Variants in NTN1 observed in about 807,000 individuals in gnomAD.
NTN1 encodes the protein netrin 1.
Under a neutral mutation model 54.2 loss-of-function variants are expected in NTN1, and 11 were observed. The observed-to-expected ratio is 0.20, with a 90% CI of 0.13 to 0.34. The LOEUF is 0.34. Ranked by LOEUF, NTN1 falls within the 10% of genes least tolerant of loss-of-function variation. The pLI is 1.00. For missense variants in NTN1, 740 were observed against 893.1 expected (o/e 0.83, Z 2.18); for synonymous variants, 371 against 382.0 (o/e 0.97, Z 0.33).
chr17:9,064,646 A>T (rs1221593263), intron 2 of NTN1, among the ~76,000 whole-genome samples: 1 of 151,814 alleles, frequency 6.6e-6, no homozygotes, highest in Non-Finnish European at 1.5e-5. Flanking sequence ...GTATTTCATG[A>T]CATCATTCAC....
intron 2 of NTN1, among the ~76,000 whole-genome samples, chr17:9,073,521 G>A (rs890255425): frequency 3.9e-5 from 6 of 152,184 alleles, no homozygotes; most frequent in African/African-American, 1.4e-4. Flanking sequence ...GTCTTTCCTT[G>A]TGCTGGGTCT....
chr17:9,125,319 C>T (rs778926052), intron 2 of NTN1, among the ~76,000 whole-genome samples: 10 of 151,988 alleles, frequency 6.6e-5, no homozygotes, highest in African/African-American at 2.2e-4. Context: ...CTCCGCCTCC[C>T]GGGTTCAAGC....
rs1237430824 is a variant in NTN1, at chr17:9,239,581, C to A, written c.1487-59C>A. 5 of 1,539,544 alleles carry A rather than the reference C, an allele frequency of 3.2e-6. No homozygotes were observed. The highest frequency in any genetic ancestry group is 3.4e-5 in the Admixed American group (2 of 58,294). ...CCTTTCCCTTCTCCCCAGGCTCAGG[C>A]AGGGCGGACCTAGCCACAGCAGCTG... On this transcript the variant is annotated intron_variant, in intron 6 of 6. Coordinates refer to ENST00000173229, the MANE Select transcript of NTN1 (RefSeq NM_004822.3). The surrounding 1 kb of genome is among the most constrained non-coding windows in gnomAD (Gnocchi z 5.2).
intron 2 of NTN1, among the ~76,000 whole-genome samples, chr17:9,124,316 G>A (rs561393460): frequency 2.0e-5 from 3 of 152,288 alleles, no homozygotes; most frequent in Non-Finnish European, 2.9e-5. Context: ...GGGCTTCCTC[G>A]CTCTGTCCCT....
chr17:9,226,794 G>C (rs1040061962), intron 6 of NTN1, among the ~76,000 whole-genome samples: 1 of 152,134 alleles, frequency 6.6e-6, no homozygotes, highest in African/African-American at 2.4e-5. Context: ...GCGTGGGTGT[G>C]TGTGCGTGCT....
rs141833495 is a variant in NTN1 at position 9,125,776 on chromosome 17, A to C, written c.1019-37037A>C. 4.3e-3 allele frequency among the ~76,000 whole-genome samples: 662 copies of C among 152,260 alleles called. 6 individuals carry two copies. Among genetic ancestry groups the C allele is most frequent in the African/African-American group, 0.015 (626 of 41,544 alleles). ...GTGAGCCACCATGCCCGGCTCTTTC[A>C]TCTTTTTTTATATTCATGATCACGT... On this transcript the variant is annotated intron_variant, in intron 2 of 6. Transcript: ENST00000173229.
intron 2 of NTN1, among the ~76,000 whole-genome samples, chr17:9,088,068 G>C (rs1328068784): frequency 1.3e-5 from 2 of 152,180 alleles, no homozygotes; most frequent in Non-Finnish European, 2.9e-5. Context: ...GAGCTGAGAC[G>C]CATACTGCTG....
chr17:9,150,510 C>T (rs975505492), intron 2 of NTN1, among the ~76,000 whole-genome samples: 8 of 152,176 alleles, frequency 5.3e-5, no homozygotes, highest in Non-Finnish European at 7.4e-5. Flanking sequence ...GCAGAGGCTC[C>T]GGACTGGAAC....
intron 3 of NTN1, chr17:9,176,920 C>T (rs1447366220): frequency 6.6e-6 from 1 of 152,362 alleles, no homozygotes; most frequent in South Asian, 2.1e-4. Flanking sequence ...AGAGGGCTGT[C>T]GCAAGGACCA....
intron 5 of NTN1, among the ~76,000 whole-genome samples, chr17:9,202,805 C>A (rs183582328): frequency 1.3e-5 from 2 of 152,366 alleles, no homozygotes; most frequent in African/African-American, 2.4e-5. Context: ...GCTGTCTGAA[C>A]AGTCATAGTT....
chr17:9,119,752 T>G (rs957582284), intron 2 of NTN1, among the ~76,000 whole-genome samples: 2 of 152,100 alleles, frequency 1.3e-5, no homozygotes, highest in Non-Finnish European at 2.9e-5. Flanking sequence ...TCTGCTCTGG[T>G]CTCCTAAAGT....
chr17:9,159,184 A>G (rs2092350996), intron 2 of NTN1, among the ~76,000 whole-genome samples: 2 of 152,270 alleles, frequency 1.3e-5, no homozygotes, highest in South Asian at 4.1e-4. Flanking sequence ...ACTAGACAGC[A>G]TGAAAAAAGT....
chr17:9,114,756 A>G (rs186651616), intron 2 of NTN1, among the ~76,000 whole-genome samples: 279 of 152,364 alleles, frequency 1.8e-3, no homozygotes, highest in Non-Finnish European at 2.8e-3. Flanking sequence ...TGTGTCTCAA[A>G]AAAATAATAA....
intron 5 of NTN1, among the ~76,000 whole-genome samples, chr17:9,213,255 A>T (rs905745976): frequency 6.6e-6 from 1 of 152,242 alleles, no homozygotes; most frequent in East Asian, 1.9e-4. Context: ...GTAGGGGGCC[A>T]GGCAGTGCCT....
chr17:9,239,529 GT>G lies in NTN1; in HGVS notation c.1487-110del. The G allele has an allele frequency of 1.9e-6, 2 of 1,061,646 alleles. No homozygotes were observed. The highest frequency in any genetic ancestry group is 5.0e-5 in the East Asian group (2 of 39,976). The allele number at this position is 1,061,646 out of a possible 1,614,324, so 65.8% of individuals were successfully genotyped here. On this transcript the variant is annotated intron_variant, in intron 6 of 6. Coordinates refer to ENST00000173229, the MANE Select transcript of NTN1 (RefSeq NM_004822.3). The surrounding 1 kb of genome is among the most constrained non-coding windows in gnomAD (Gnocchi z 5.2). ...CACGCGCTCCTGTATGGGCCACTCT[GT>G]GCAGTCACTTCCTGGGGCTGGGTCT...
chr17:9,226,162 C>CA (rs772507723), intron 6 of NTN1, among the ~76,000 whole-genome samples: 1 of 116,454 alleles, frequency 8.6e-6, no homozygotes, highest in Non-Finnish European at 1.8e-5. Context: ...GATTTGGGGT[C>CA]GGGGGGGGGC....
chr17:9,062,280 G>A lies in NTN1; in HGVS notation c.1018+38889G>A, dbSNP rs183030377. Among the ~76,000 whole-genome samples, 4 of 152,260 alleles carry A rather than the reference G, an allele frequency of 2.6e-5. No individual in the cohort carries two copies. The East Asian group carries it at 7.7e-4, about 29-fold the overall frequency. On this transcript the variant is annotated intron_variant, in intron 2 of 6. Coordinates refer to ENST00000173229, the MANE Select transcript of NTN1 (RefSeq NM_004822.3). ...TAAAAGGTTTTTATTCCCCTTTCTG[G>A]GCTGGAGAAGCCATCTAGGAAAATG...
At chr17:9,092,814 A>G (rs917705515) in intron 2 of NTN1, among the ~76,000 whole-genome samples, 2 of 151,650 alleles carry the variant, frequency 1.3e-5, no homozygotes, top group Non-Finnish European at 2.9e-5. Flanking sequence ...GCTGGAGTGC[A>G]ATGGTGCAAT....
chr17:9,065,509 T>A (rs1431811987), intron 2 of NTN1, among the ~76,000 whole-genome samples: 1 of 152,228 alleles, frequency 6.6e-6, no homozygotes, highest in African/African-American at 2.4e-5. Context: ...CACACCCATA[T>A]GGCCACAGTC....
Sources: allele counts gnomAD v4.1 joint callset (sites outside exome capture counted in the v4.1 genomes callset), GRCh38; gene constraint gnomAD v4.1.1; non-coding constraint Gnocchi (gnomAD v3.1); transcripts MANE v1.5; gene names NCBI Gene and HGNC (gene_info 2026-07-23, HGNC 2026-07-21).